The following GPC5 variants were observed in gnomAD, a reference collection of about 807,000 sequenced individuals.
GPC5 encodes the protein glypican 5.
A neutral mutation model predicts 53.9 loss-of-function variants in GPC5; 47 were observed. The observed-to-expected ratio is 0.87, with a 90% CI of 0.69 to 1.11. The LOEUF is 1.11. GPC5 is among the 50% of genes most tolerant of loss of function. The probability of loss-of-function intolerance (pLI) is 0.00; values close to 1 mark genes in which losing one functional copy is unlikely to be tolerated. For synonymous variants in GPC5, 286 were observed against 263.3 expected (o/e 1.09, Z -0.84); for missense variants, 748 against 713.1 (o/e 1.05, Z -0.56).
chr13:91,849,782 A>G (rs1399764823), intron 5 of GPC5, among the ~76,000 whole-genome samples: 1 of 152,228 alleles, frequency 6.6e-6, no homozygotes, highest in Non-Finnish European at 1.5e-5. Flanking sequence ...GTGGTACATT[A>G]TGATGCATGT....
chr13:92,801,919 A>C (rs1419377998), intron 7 of GPC5, among the ~76,000 whole-genome samples: 2 of 151,874 alleles, frequency 1.3e-5, no homozygotes, highest in African/African-American at 4.8e-5. Context: ...AAACAGGTAT[A>C]AAGTTAAAAA....
At chr13:92,355,905 A>G (rs1178683014) in intron 7 of GPC5, among the ~76,000 whole-genome samples, 1 of 121,704 alleles carries the variant, frequency 8.2e-6, no homozygotes, top group African/African-American at 2.9e-5. Context: ...TTTTTTTGCT[A>G]AATTGCTTTC....
At chr13:92,051,549 A>G (rs1208146151) in intron 6 of GPC5, among the ~76,000 whole-genome samples, 7 of 152,332 alleles carry the variant, frequency 4.6e-5, no homozygotes, top group African/African-American at 1.4e-4. Flanking sequence ...CTGCTGGTCC[A>G]GAACCCACAC....
At chr13:91,943,448 A>G (rs2039946718) in intron 6 of GPC5, among the ~76,000 whole-genome samples, 1 of 151,946 alleles carries the variant, frequency 6.6e-6, no homozygotes, top group Non-Finnish European at 1.5e-5. Flanking sequence ...TCAGAAGTTG[A>G]CAGTTTTCAG....
chr13:91,554,667 A>G (rs9523363), intron 2 of GPC5, among the ~76,000 whole-genome samples: 2,785 of 152,212 alleles, frequency 0.018, 40 homozygotes, highest in Non-Finnish European at 0.029. Flanking sequence ...CTGGTATATT[A>G]GAGTCAGTGC....
At chr13:91,890,564 C>T (rs1276060503) in intron 5 of GPC5, among the ~76,000 whole-genome samples, 1 of 152,116 alleles carries the variant, frequency 6.6e-6, no homozygotes, top group Non-Finnish European at 1.5e-5. Flanking sequence ...GTGAGTGGCA[C>T]TCAGGCTTCC....
intron 6 of GPC5, among the ~76,000 whole-genome samples, chr13:92,043,121 G>A (rs761427308): frequency 1.1e-4 from 16 of 152,080 alleles, no homozygotes; most frequent in South Asian, 2.1e-4. Flanking sequence ...TATCGAAGAC[G>A]TGTGACAGAA....
At chr13:92,847,893 T>G (rs1269042187) in intron 7 of GPC5, among the ~76,000 whole-genome samples, 2 of 152,208 alleles carry the variant, frequency 1.3e-5, no homozygotes, top group Non-Finnish European at 2.9e-5. Flanking sequence ...GGTGATTAAC[T>G]TTGTAGTAAT....
intron 7 of GPC5, among the ~76,000 whole-genome samples, chr13:92,654,534 T>C (rs1259749947): frequency 1.3e-5 from 2 of 152,134 alleles, no homozygotes; most frequent in Non-Finnish European, 2.9e-5. Context: ...CACTTGACCA[T>C]TTCTATATTT....
At chr13:92,744,214 A>G (rs772669607) in intron 7 of GPC5, among the ~76,000 whole-genome samples, 6 of 147,000 alleles carry the variant, frequency 4.1e-5, no homozygotes, top group Non-Finnish European at 9.0e-5. Flanking sequence ...ATGCAATAGC[A>G]TTTAGCCTTC....
At chr13:92,142,734 A>G (rs2138980979) in intron 6 of GPC5, among the ~76,000 whole-genome samples, 1 of 152,258 alleles carries the variant, frequency 6.6e-6, no homozygotes, top group Admixed American at 6.5e-5. Flanking sequence ...TGTTAATGAG[A>G]GTCCATCTGT....
At chr13:91,828,482 AATGATC>A (rs1316760082) in intron 5 of GPC5, among the ~76,000 whole-genome samples, 1 of 152,038 alleles carries the variant, frequency 6.6e-6, no homozygotes, top group Non-Finnish European at 1.5e-5. Flanking sequence ...CGTTGATTGC[AATGATC>A]ATGACTATCT....
At chr13:91,829,633 G>A (rs949093068) in intron 5 of GPC5, among the ~76,000 whole-genome samples, 26 of 151,998 alleles carry the variant, frequency 1.7e-4, no homozygotes, top group Non-Finnish European at 3.2e-4. Flanking sequence ...AGGTATCGGG[G>A]AACCTGCCCT....
chr13:92,057,290 C>CA (rs964835227), intron 6 of GPC5, among the ~76,000 whole-genome samples: 3 of 113,684 alleles, frequency 2.6e-5, no homozygotes, highest in African/African-American at 6.2e-5. Context: ...ATGTGGAAAA[C>CA]AAAAAAACAA....
chr13:92,511,031 G>T (rs1594262221), intron 7 of GPC5, among the ~76,000 whole-genome samples: 1 of 152,172 alleles, frequency 6.6e-6, no homozygotes, highest in African/African-American at 2.4e-5. Context: ...TAAAACCTTT[G>T]TTAATATCTA....
At chr13:92,377,504 A>G (rs2043704658) in intron 7 of GPC5, among the ~76,000 whole-genome samples, 1 of 152,204 alleles carries the variant, frequency 6.6e-6, no homozygotes, top group Admixed American at 6.5e-5. Flanking sequence ...ATTTATTTTC[A>G]ATTGTTCAGC....
intron 6 of GPC5, among the ~76,000 whole-genome samples, chr13:91,942,329 T>C (rs1345743436): frequency 6.6e-6 from 1 of 152,088 alleles, no homozygotes; most frequent in African/African-American, 2.4e-5. Flanking sequence ...TTACTACATT[T>C]CTTGTTACAG....
At chr13:91,621,345 T>A (rs548045844) in intron 2 of GPC5, among the ~76,000 whole-genome samples, 1 of 152,242 alleles carries the variant, frequency 6.6e-6, no homozygotes, top group African/African-American at 2.4e-5. Context: ...CATCCCCTGC[T>A]CTGTCCATGT....
chr13:92,041,143 C>T (rs1323585601), intron 6 of GPC5, among the ~76,000 whole-genome samples: 2 of 152,224 alleles, frequency 1.3e-5, no homozygotes, highest in African/African-American at 4.8e-5. Context: ...TGAGCCACCA[C>T]ACCCGACTTT....
Sources: allele counts gnomAD v4.1 joint callset (sites outside exome capture counted in the v4.1 genomes callset), GRCh38; gene constraint gnomAD v4.1.1; transcripts MANE v1.5; gene names NCBI Gene and HGNC (gene_info 2026-07-23, HGNC 2026-07-21).